ARHGAP18: variants seen among roughly 807,000 people sequenced by gnomAD.
ARHGAP18 encodes Rho GTPase activating protein 18.
Under a neutral mutation model 86.2 loss-of-function variants are expected in ARHGAP18, and 67 were observed. That is an observed-to-expected ratio of 0.78 (90% CI 0.64 to 0.95). ARHGAP18 has a LOEUF of 0.95. ARHGAP18 is among the 40% of genes least tolerant of loss of function. The pLI, the probability that ARHGAP18 is intolerant of heterozygous loss-of-function variation, is 0.00. For synonymous variants in ARHGAP18, 283 were observed against 280.4 expected (o/e 1.01, Z -0.09); for missense variants, 691 against 780.4 (o/e 0.89, Z 1.37).
intron 1 of ARHGAP18, among the ~76,000 whole-genome samples, chr6:129,645,389 C>T (rs1011668755): frequency 1.1e-4 from 17 of 152,256 alleles, no homozygotes; most frequent in Non-Finnish European, 1.6e-4. Context: ...CATAAAGCAA[C>T]ATCTGCTAGA....
intron 8 of ARHGAP18, among the ~76,000 whole-genome samples, chr6:129,608,966 TAGAG>T (rs150801753): frequency 0.11 from 14,975 of 131,270 alleles, 1,014 homozygotes; most frequent in Middle Eastern, 0.2. Context: ...GAAAAAGAAA[TAGAG>T]AGGAGGGAAG....
At chr6:129,607,437 T>C (rs1450123454) in intron 9 of ARHGAP18, among the ~76,000 whole-genome samples, 2 of 152,234 alleles carry the variant, frequency 1.3e-5, no homozygotes, top group African/African-American at 4.8e-5. Context: ...CACTTCTGCA[T>C]GACAACCTCA....
At chr6:129,678,481 T>G (rs1774272494) in intron 1 of ARHGAP18, among the ~76,000 whole-genome samples, 1 of 152,176 alleles carries the variant, frequency 6.6e-6, no homozygotes, top group Non-Finnish European at 1.5e-5. Flanking sequence ...CCAAATACAT[T>G]GTAATTTGGA....
chr6:129,594,249 C>A (rs1211112906), intron 12 of ARHGAP18, among the ~76,000 whole-genome samples: 1 of 152,176 alleles, frequency 6.6e-6, no homozygotes, highest in Non-Finnish European at 1.5e-5. Flanking sequence ...CCTTCAAATT[C>A]AAAAACCTTT....
intron 12 of ARHGAP18, among the ~76,000 whole-genome samples, chr6:129,591,625 T>C (rs1160446188): frequency 6.6e-6 from 1 of 152,222 alleles, no homozygotes; most frequent in Non-Finnish European, 1.5e-5. Flanking sequence ...ATAAGGTATC[T>C]AAAAACACTG....
chr6:129,607,741 T>C lies in ARHGAP18; in HGVS notation c.1282+152A>G, dbSNP rs556112321. 46 of 671,706 alleles carry C rather than the reference T, an allele frequency of 6.8e-5. No individual in the cohort carries two copies. The South Asian group carries it at 1.6e-3, about 23-fold the overall frequency. 41.6% of individuals were successfully genotyped at this position (671,706 alleles called of 1,614,324 possible). On this transcript the variant is annotated intron_variant, in intron 9 of 14. Coordinates refer to ENST00000368149, the MANE Select transcript of ARHGAP18 (RefSeq NM_033515.3). ...TATTTATAAGAAAAACAGAAAACAA[T>C]GCATGGCAGCTGAGCACCCACTGAC...
At position 129,613,714 on chromosome 6, in the gene ARHGAP18, A is replaced by C. The variant is rs189509447; in HGVS notation, c.1045-2104T>G. Among the ~76,000 whole-genome samples, 645 of 152,304 alleles carry C rather than the reference A, an allele frequency of 4.2e-3. 6 individuals are homozygous for C. The highest frequency in any genetic ancestry group is 5.0e-3 in the Non-Finnish European group (341 of 68,026). On this transcript the variant is annotated intron_variant, in intron 7 of 14. Coordinates refer to ENST00000368149, the MANE Select transcript of ARHGAP18 (RefSeq NM_033515.3). ...TGTGTTTTCTTATATATCTCACTGA[A>C]AATAACATTTTTAGCTACATTATAT...
chr6:129,602,551 A>G (rs907537403), intron 10 of ARHGAP18, among the ~76,000 whole-genome samples: 3 of 152,190 alleles, frequency 2.0e-5, no homozygotes, highest in Non-Finnish European at 4.4e-5. Flanking sequence ...TATAACTGCT[A>G]TATAGACCTT....
At chr6:129,637,531 C>T (rs1030221687) in intron 3 of ARHGAP18, among the ~76,000 whole-genome samples, 7 of 152,234 alleles carry the variant, frequency 4.6e-5, no homozygotes, top group African/African-American at 1.7e-4. Context: ...TGCCTCCTTA[C>T]ATATCTTCCG....
At chr6:129,583,207 A>G (rs1203414703) in intron 13 of ARHGAP18, among the ~76,000 whole-genome samples, 2 of 152,216 alleles carry the variant, frequency 1.3e-5, no homozygotes, top group African/African-American at 4.8e-5. Flanking sequence ...TCTGTTTTTA[A>G]ACATTTAGTT....
intron 3 of ARHGAP18, 58 bp from the exon 4 acceptor site, chr6:129,634,163 A>C: frequency 6.8e-7 from 1 of 1,463,516 alleles, no homozygotes; most frequent in South Asian, 1.2e-5. Context: ...AGAAAATGGT[A>C]CTGTAAATAA....
At position 129,608,064 on chromosome 6, in the gene ARHGAP18, GAA is replaced by G. The variant is rs577070164; in HGVS notation, c.1123-14_1123-13del. The stretch of plus-strand genomic sequence containing the variant: ...TCTTGGCAAAGATTCTGATAGGCAC[GAA>G]AAAAAAAAAAAAAAAAAAAAGAAGC... On this transcript the variant is annotated splice_polypyrimidine_tract_variant and intron_variant, in intron 8 of 14. Coordinates refer to ENST00000368149, the MANE Select transcript of ARHGAP18 (RefSeq NM_033515.3). 0.12 allele frequency: 116,906 copies of G among 937,690 alleles called. 701 individuals carry two copies. The highest frequency in any genetic ancestry group is 0.26 in the African/African-American group (10,930 of 42,708). The allele number at this position is 937,690 out of a possible 1,614,324, so 58.1% of individuals were successfully genotyped here.
At chr6:129,672,104 C>T (rs958978153) in intron 1 of ARHGAP18, among the ~76,000 whole-genome samples, 1 of 152,124 alleles carries the variant, frequency 6.6e-6, no homozygotes, top group African/African-American at 2.4e-5. Context: ...CGCGCACACA[C>T]ACACGCTTCC....
At chr6:129,661,883 A>G (rs1773959750) in intron 1 of ARHGAP18, 12 of 985,182 alleles carry the variant, frequency 1.2e-5, no homozygotes, top group South Asian at 4.7e-5. Context: ...TCAGAACCCA[A>G]CAGCTGTTTA....
chr6:129,654,597 G>A (rs1035268008), intron 1 of ARHGAP18, among the ~76,000 whole-genome samples: 7 of 152,162 alleles, frequency 4.6e-5, no homozygotes, highest in Non-Finnish European at 8.8e-5. Context: ...GAAGAAGAGC[G>A]TAAGTAGTTC....
At chr6:129,655,023 C>A (rs147049435) in intron 1 of ARHGAP18, among the ~76,000 whole-genome samples, 2 of 152,092 alleles carry the variant, frequency 1.3e-5, no homozygotes, top group African/African-American at 2.4e-5. Flanking sequence ...AGCTATTGAA[C>A]GGAAAGGAGA....
At chr6:129,665,391 C>T (rs1190349837) in intron 1 of ARHGAP18, among the ~76,000 whole-genome samples, 1 of 150,784 alleles carries the variant, frequency 6.6e-6, no homozygotes, top group Admixed American at 6.6e-5. Flanking sequence ...ACTAAAAATA[C>T]AAAAAAAAAT....
At chr6:129,631,201 C>A (rs1773196612) in intron 4 of ARHGAP18, among the ~76,000 whole-genome samples, 1 of 152,108 alleles carries the variant, frequency 6.6e-6, no homozygotes. Context: ...TTAGAAGCTA[C>A]CTTTCTAGCA....
chr6:129,668,634 A>G (rs1562718396), intron 1 of ARHGAP18, among the ~76,000 whole-genome samples: 1 of 152,008 alleles, frequency 6.6e-6, no homozygotes, highest in Non-Finnish European at 1.5e-5. Context: ...AAACAGTACC[A>G]GCTGCCGGAG....
Sources: gnomAD v4.1 joint callset for allele counts (sites outside exome capture counted in the v4.1 genomes callset) on GRCh38, gnomAD v4.1.1 for gene constraint, MANE v1.5 for transcripts, NCBI Gene and HGNC (gene_info 2026-07-23, HGNC 2026-07-21) for gene names.